GALNTL6: variants seen among roughly 807,000 people sequenced by gnomAD.
The protein encoded by GALNTL6 is polypeptide N-acetylgalactosaminyltransferase like 6.
Under a neutral mutation model 73.7 loss-of-function variants are expected in GALNTL6, and 46 were observed. That is an observed-to-expected ratio of 0.62 (90% CI 0.49 to 0.80). The LOEUF is 0.80. GALNTL6 is among the 30% of genes least tolerant of loss of function. The probability of loss-of-function intolerance (pLI) is 0.00; values close to 1 mark genes in which losing one functional copy is unlikely to be tolerated. For missense variants in GALNTL6, 604 were observed against 755.0 expected, an observed-to-expected ratio of 0.80 and a Z score of 2.34; for synonymous variants, 259 against 263.7, an observed-to-expected ratio of 0.98 and a Z score of 0.17.
chr4:172,083,198 G>A (rs1023495591), intron 2 of GALNTL6, among the ~76,000 whole-genome samples: 1 of 152,076 alleles, frequency 6.6e-6, no homozygotes, highest in African/African-American at 2.4e-5. Flanking sequence ...TCTTGTCTAA[G>A]ACTTTCTCTT....
At chr4:172,347,028 C>T (rs576150689) in intron 4 of GALNTL6, among the ~76,000 whole-genome samples, 31 of 141,712 alleles carry the variant, frequency 2.2e-4, no homozygotes, top group Non-Finnish European at 3.3e-4. Context: ...CACTCTGTCA[C>T]CCAGGCTGGA....
chr4:172,476,115 C>T (rs911045618), intron 5 of GALNTL6, among the ~76,000 whole-genome samples: 1 of 152,200 alleles, frequency 6.6e-6, no homozygotes, highest in Non-Finnish European at 1.5e-5. Flanking sequence ...TGTCTTGGTC[C>T]ATTCCAGATG....
At chr4:172,502,847 T>C (rs1214606440) in intron 5 of GALNTL6, among the ~76,000 whole-genome samples, 1 of 152,188 alleles carries the variant, frequency 6.6e-6, no homozygotes, top group African/African-American at 2.4e-5. Flanking sequence ...AGGAGTTCTG[T>C]CACGGTCAAG....
intron 5 of GALNTL6, among the ~76,000 whole-genome samples, chr4:172,731,484 C>CT (rs1458013795): frequency 1.3e-5 from 2 of 151,836 alleles, no homozygotes; most frequent in Admixed American, 1.3e-4. Flanking sequence ...TTTTCTTTAT[C>CT]TTTTTTAAAA....
intron 2 of GALNTL6, among the ~76,000 whole-genome samples, chr4:172,172,417 G>A (rs1168628879): frequency 1.3e-5 from 2 of 152,074 alleles, no homozygotes; most frequent in East Asian, 3.9e-4. Flanking sequence ...ATCTTGTCTC[G>A]AACTCCAGAC....
chr4:172,522,355 A>T (rs539891534), intron 5 of GALNTL6, among the ~76,000 whole-genome samples: 1 of 152,182 alleles, frequency 6.6e-6, no homozygotes, highest in Non-Finnish European at 1.5e-5. Context: ...CTTCTCTTCC[A>T]TTCTCTGGTT....
intron 10 of GALNTL6, among the ~76,000 whole-genome samples, chr4:173,007,271 T>C (rs17059081): frequency 1.3e-5 from 2 of 152,108 alleles, no homozygotes; most frequent in East Asian, 1.9e-4. Context: ...TATCTACTCA[T>C]CCAGGCAAAA....
In GALNTL6 at chr4:173,035,193, T is replaced by C. The variant is rs1753639170; in HGVS notation, c.1639-4740T>C. Among the ~76,000 whole-genome samples the C allele has an allele frequency of 2.0e-5, 3 of 151,944 alleles. No individual in the cohort carries two copies. The South Asian group carries it at 6.2e-4, about 32-fold the overall frequency. On this transcript the variant is annotated intron_variant, in intron 12 of 12. Coordinates refer to ENST00000506823, the MANE Select transcript of GALNTL6 (RefSeq NM_001034845.3). ...ATGTGCCATGCTCTTTTTTTTTTTT[T>C]TTGAGTTGCAGTTTCGCTCTTGTTG...
intron 2 of GALNTL6, among the ~76,000 whole-genome samples, chr4:171,837,152 G>T (rs1464919219): frequency 6.6e-6 from 1 of 152,106 alleles, no homozygotes; most frequent in African/African-American, 2.4e-5. Flanking sequence ...TGTGTTATAA[G>T]TTCTGTGGTA....
intron 5 of GALNTL6, among the ~76,000 whole-genome samples, chr4:172,612,480 G>A (rs1738562162): frequency 6.6e-6 from 1 of 152,018 alleles, no homozygotes; most frequent in South Asian, 2.1e-4. Flanking sequence ...CAGCAGCAGA[G>A]CAAAAGTTCT....
At chr4:172,706,280 C>G (rs1466579626) in intron 5 of GALNTL6, among the ~76,000 whole-genome samples, 3 of 151,910 alleles carry the variant, frequency 2.0e-5, no homozygotes, top group Admixed American at 6.6e-5. Flanking sequence ...CATTGTATTT[C>G]TAAGCTCCAG....
intron 2 of GALNTL6, among the ~76,000 whole-genome samples, chr4:172,080,074 A>G (rs1731831574): frequency 6.6e-6 from 1 of 152,284 alleles, no homozygotes; most frequent in South Asian, 2.1e-4. Flanking sequence ...TTTAGGCATG[A>G]CTTTTTCCCC....
At chr4:172,910,074 T>C (rs911159703) in intron 8 of GALNTL6, among the ~76,000 whole-genome samples, 1 of 152,000 alleles carries the variant, frequency 6.6e-6, no homozygotes, top group Middle Eastern at 3.4e-3. Flanking sequence ...CAAATGTTTT[T>C]ATTTATATTG....
At chr4:171,827,180 A>G (rs891159566) in intron 2 of GALNTL6, among the ~76,000 whole-genome samples, 8 of 152,170 alleles carry the variant, frequency 5.3e-5, no homozygotes, top group Non-Finnish European at 1.0e-4. Flanking sequence ...ACTAGTGCAT[A>G]TGCCACAGCT....
chr4:172,052,799 G>T (rs887214283), intron 2 of GALNTL6, among the ~76,000 whole-genome samples: 4 of 152,020 alleles, frequency 2.6e-5, no homozygotes, highest in South Asian at 4.1e-4. Context: ...TTTTTCTCAT[G>T]AACTTTTCCT....
At chr4:172,077,829 G>T (rs974768772) in intron 2 of GALNTL6, among the ~76,000 whole-genome samples, 1 of 152,126 alleles carries the variant, frequency 6.6e-6, no homozygotes, top group African/African-American at 2.4e-5. Context: ...GACCTTTATG[G>T]CAGCCCCTCC....
At chr4:172,192,955 T>C (rs772700365) in intron 2 of GALNTL6, among the ~76,000 whole-genome samples, 1 of 152,158 alleles carries the variant, frequency 6.6e-6, no homozygotes, top group East Asian at 1.9e-4. Flanking sequence ...CCTCAGCAGG[T>C]AGGGCTTCCC....
intron 2 of GALNTL6, among the ~76,000 whole-genome samples, chr4:172,056,600 A>T (rs959525505): frequency 1.3e-5 from 2 of 152,076 alleles, no homozygotes. Context: ...GTCTCTTGTG[A>T]AACTGCTAAA....
intron 2 of GALNTL6, among the ~76,000 whole-genome samples, chr4:172,112,190 C>A (rs1427700466): frequency 6.6e-6 from 1 of 151,996 alleles, no homozygotes; most frequent in Non-Finnish European, 1.5e-5. Flanking sequence ...TAGCAATATG[C>A]ATTTATGGCC....
Sources: allele counts gnomAD v4.1 joint callset (sites outside exome capture counted in the v4.1 genomes callset), GRCh38; gene constraint gnomAD v4.1.1; transcripts MANE v1.5; gene names NCBI Gene and HGNC (gene_info 2026-07-23, HGNC 2026-07-21).